The following VIPR2 variants were observed in gnomAD, a reference collection of about 807,000 sequenced individuals.
VIPR2 encodes vasoactive intestinal peptide receptor 2, also known as vasoactive intestinal polypeptide receptor 2.
A neutral mutation model predicts 58.0 loss-of-function variants in VIPR2; 48 were observed. The observed-to-expected ratio is 0.83, with a 90% CI of 0.66 to 1.05. The LOEUF is 1.05. VIPR2 is among the 50% of genes least tolerant of loss of function. The probability of loss-of-function intolerance (pLI) is 0.00; values close to 1 mark genes in which losing one functional copy is unlikely to be tolerated. For missense variants in VIPR2, 534 were observed against 558.0 expected, an observed-to-expected ratio of 0.96 and a Z score of 0.43; for synonymous variants, 243 against 235.2, an observed-to-expected ratio of 1.03 and a Z score of -0.30.
intron 2 of VIPR2, among the ~76,000 whole-genome samples, chr7:159,116,162 A>G (rs1226527470): frequency 6.6e-6 from 1 of 152,122 alleles, no homozygotes; most frequent in African/African-American, 2.4e-5. Flanking sequence ...CTGCAGGGAG[A>G]AGGCTTAGGC....
Position 159,029,199 on chromosome 7 carries a change from C to CATT in VIPR2, c.*1414_*1416dup. The CATT allele has an allele frequency of 6.6e-6, 1 of 152,386 alleles. No homozygotes were observed. The highest frequency in any genetic ancestry group is 1.5e-5 in the Non-Finnish European group (1 of 68,074). 9.4% of individuals were successfully genotyped at this position (152,386 alleles called of 1,614,324 possible). The stretch of plus-strand genomic sequence containing the variant: ...CACCAATGCACAGGAACAAGACATT[C>CATT]ATTTTTAAGGGAAAAGTGGAGTCAA... On this transcript the variant is annotated 3_prime_UTR_variant, in exon 13 of 13. Coordinates refer to ENST00000262178, the MANE Select transcript of VIPR2 (RefSeq NM_003382.5).
rs565798950 is a variant in VIPR2, at chr7:159,064,443, T to G, written c.358-5865A>C. ...ATTGGCGGCTCCTGAGGCAGCAGTG[T>G]CCGGGTTCGTTGTGAGTGAGGATGA... On this transcript the variant is annotated intron_variant, in intron 4 of 12. Transcript: ENST00000262178. Among the ~76,000 whole-genome samples, 20 of 152,042 alleles carry G rather than the reference T, an allele frequency of 1.3e-4. No homozygotes were observed. The East Asian group carries it at 3.9e-3, about 30-fold the overall frequency.
In VIPR2 at chr7:159,034,226, G is replaced by T; in HGVS notation, c.958C>A (p.Gln320Lys). Residue 320 changes from glutamine (Q) to lysine (K), a missense_variant, in exon 10 of 13, where the codon CAG becomes AAG. By Grantham distance (53) the Gln-to-Lys change is moderately conservative. Around this residue, in one of 3 missense-constraint regions of VIPR2, gnomAD observed 306 missense variants for 285.8 expected, o/e 1.07. Coordinates refer to ENST00000262178, the MANE Select transcript of VIPR2 (RefSeq NM_003382.5). ...LTSPDVGGNDQSQYKRLAKST... is the reference protein window; with the variant it reads ...LTSPDVGGNDKSQYKRLAKST... ...ACACACACTCACTTGTACTGAGACTGGTCGTTGCCGCCGACATCTGGGGAT... is the reference window on the plus strand; with the variant it reads ...ACACACACTCACTTGTACTGAGACTTGTCGTTGCCGCCGACATCTGGGGAT... 6.2e-7 allele frequency: 1 copy of T among 1,614,022 alleles called. No individual in the cohort carries two copies. The highest frequency in any genetic ancestry group is 1.3e-5 in the African/African-American group (1 of 75,066).
At chr7:159,100,198 A>T (rs1241577479) in intron 4 of VIPR2, among the ~76,000 whole-genome samples, 1 of 152,158 alleles carries the variant, frequency 6.6e-6, no homozygotes, top group Non-Finnish European at 1.5e-5. Flanking sequence ...ACTGCATGGG[A>T]ATCAGACTAC....
rs189933821 is a variant in VIPR2 at position 159,056,300 on chromosome 7, C to T, written c.455+2181G>A. Among the ~76,000 whole-genome samples, 5 of 151,708 alleles carry T rather than the reference C, an allele frequency of 3.3e-5. No individual in the cohort carries two copies. In the East Asian group the frequency reaches 9.8e-4, roughly 30 times the overall value. On this transcript the variant is annotated intron_variant, in intron 5 of 12. Transcript: ENST00000262178. ...AAGTCCCACATTTGCCCCTTCAGGA[C>T]CCGTGGATATATGAAGCTGGTCCTC...
rs1857854528 is a variant in VIPR2 at position 159,096,490 on chromosome 7, C to T, written c.357+7267G>A. Among the ~76,000 whole-genome samples the T allele has an allele frequency of 6.6e-6, 1 of 152,226 alleles. No homozygotes were observed. The highest frequency in any genetic ancestry group is 2.4e-5 in the African/African-American group (1 of 41,452). On this transcript the variant is annotated intron_variant, in intron 4 of 12. Transcript: ENST00000262178. The surrounding 1 kb of genome is among the most constrained non-coding windows in gnomAD (Gnocchi z 5.5). ...CTCTAATTCCTTCACCTTCATCTCCCTCCCATTAGGAGAATCTTCCCTAGC... is the reference window on the plus strand; with the variant it reads ...CTCTAATTCCTTCACCTTCATCTCCTTCCCATTAGGAGAATCTTCCCTAGC...
At chr7:159,086,692 C>T (rs1359901395) in intron 4 of VIPR2, among the ~76,000 whole-genome samples, 1 of 152,234 alleles carries the variant, frequency 6.6e-6, no homozygotes, top group Non-Finnish European at 1.5e-5. Context: ...TGCCCAGGAG[C>T]TGGTCCTGCT....
chr7:159,124,812 G>A (rs1395703703), intron 2 of VIPR2, among the ~76,000 whole-genome samples: 1 of 152,094 alleles, frequency 6.6e-6, no homozygotes, highest in African/African-American at 2.4e-5. Context: ...TGATTTCTTT[G>A]AGCAGTGTTT....
At chr7:159,125,816 A>G (rs2129497110) in intron 2 of VIPR2, among the ~76,000 whole-genome samples, 1 of 152,220 alleles carries the variant, frequency 6.6e-6, no homozygotes, top group East Asian at 1.9e-4. Flanking sequence ...ATGCAGAGCA[A>G]GGGCCCCACG....
At chr7:159,034,428 C>T (rs763374710) in intron 9 of VIPR2, 124 bp from the exon 10 acceptor site, 1 of 1,291,810 alleles carries the variant, frequency 7.7e-7, no homozygotes, top group Non-Finnish European at 1.1e-6. Flanking sequence ...GGAACTGCCT[C>T]TGGGGGTCCA....
intron 3 of VIPR2, among the ~76,000 whole-genome samples, chr7:159,106,982 C>A (rs1483242961): frequency 8.3e-6 from 1 of 121,182 alleles, no homozygotes; most frequent in Admixed American, 8.0e-5. Context: ...GAGAGGCCAT[C>A]CAGGGGCAGA....
chr7:159,144,546 C>A, intron 1 of VIPR2, 175 bp downstream of exon 1: 1 of 1,489,736 alleles, frequency 6.7e-7, no homozygotes, highest in Non-Finnish European at 9.0e-7. Flanking sequence ...GAGCTCAGCG[C>A]TTCACGCTCT....
chr7:159,043,126 A>C lies in VIPR2; in HGVS notation c.506T>G (p.Phe169Cys), dbSNP rs947974941. ...NYIHLNLFLS[F>C]ILRAISVLVK... ...CAGCACTGAGATGGCTCTCAGGATGAAGGACAGGAACAGGTTCAGGTGGAT... is the reference window on the plus strand; with the variant it reads ...CAGCACTGAGATGGCTCTCAGGATGCAGGACAGGAACAGGTTCAGGTGGAT... Residue 169 changes from phenylalanine to cysteine, a missense_variant, in exon 6 of 13, where the codon TTC becomes TGC. Physicochemically the swap from Phe to Cys is radical, Grantham distance 205. Transcript: ENST00000262178. 1.9e-6 allele frequency: 3 copies of C among 1,613,858 alleles called. No individual in the cohort carries two copies. Among genetic ancestry groups the C allele is most frequent in the African/African-American group, 2.7e-5 (2 of 74,854 alleles).
At chr7:159,087,625 T>C (rs1287383503) in intron 4 of VIPR2, among the ~76,000 whole-genome samples, 44 of 86,884 alleles carry the variant, frequency 5.1e-4, no homozygotes, top group Middle Eastern at 7.9e-3. Flanking sequence ...ATACAGCTTC[T>C]CCAACAAACA....
chr7:159,035,953 C>T lies in VIPR2; in HGVS notation c.808G>A (p.Gly270Ser), dbSNP rs898595582. The T allele has an allele frequency of 1.3e-5, 21 of 1,613,484 alleles. No homozygotes were observed. The highest frequency in any genetic ancestry group is 1.5e-5 in the Non-Finnish European group (18 of 1,179,764). ...TAARLYLEDT[G>S]CWDTNDHSVP... ...GTTGCAGTCTGGTCATGGACTCACC[C>T]GGTGTCTTCTAAGTAGAGCCTGGCC... is the stretch of plus-strand genomic sequence containing the variant. Residue 270 changes from glycine to serine, a missense_variant and splice_region_variant, in exon 8 of 13, where the codon GGT (glycine) becomes AGT (serine). By Grantham distance (56) the Gly-to-Ser change is moderately conservative. Transcript: ENST00000262178.
chr7:159,112,419 G>C (rs1796051209), intron 2 of VIPR2, among the ~76,000 whole-genome samples: 1 of 152,238 alleles, frequency 6.6e-6, no homozygotes, highest in Non-Finnish European at 1.5e-5. Flanking sequence ...GCAACCTCCT[G>C]GCAACAGCTG....
At chr7:159,037,031 G>T in intron 6 of VIPR2, 129 bp from the exon 7 acceptor site, 1 of 1,159,884 alleles carries the variant, frequency 8.6e-7, no homozygotes, top group Non-Finnish European at 1.2e-6. Context: ...GGTGCCATTG[G>T]GAAGGAAAGT....
rs1857887048 is a variant in VIPR2 at position 159,096,932 on chromosome 7, T to C, written c.357+6825A>G. 11 of 1,550,676 alleles carry C rather than the reference T, an allele frequency of 7.1e-6. No individual in the cohort carries two copies. The Middle Eastern group carries it at 6.7e-4, about 94-fold the overall frequency. On this transcript the variant is annotated intron_variant, in intron 4 of 12. Coordinates refer to ENST00000262178, the MANE Select transcript of VIPR2 (RefSeq NM_003382.5). The surrounding 1 kb of genome is among the most constrained non-coding windows in gnomAD (Gnocchi z 5.5). ...CCCATCACTCGATGAGCCAATGCCC[T>C]CGTGGCTGGCATTGAGCTTGGCACC...
rs1171191217 is a variant in VIPR2 at position 159,075,817 on chromosome 7, C to T, written c.358-17239G>A. ...GTGAGTAGCCCAGGGCCGGCACCCA[C>T]GGACCCGCTGCATCAGTGAGTAGCC... On this transcript the variant is annotated intron_variant, in intron 4 of 12. Coordinates refer to ENST00000262178, the MANE Select transcript of VIPR2 (RefSeq NM_003382.5). Among the ~76,000 whole-genome samples, 6 of 147,850 alleles carry T rather than the reference C, an allele frequency of 4.1e-5. 1 individual carries two copies. The highest frequency in any genetic ancestry group is 1.0e-4 in the African/African-American group (4 of 39,322).
Sources: gnomAD v4.1 joint callset for allele counts (sites outside exome capture counted in the v4.1 genomes callset) on GRCh38, gnomAD v4.1.1 for gene constraint, gnomAD v4.1.1 regional missense constraint, Gnocchi (gnomAD v3.1) non-coding constraint, MANE v1.5 for transcripts, NCBI Gene and HGNC (gene_info 2026-07-23, HGNC 2026-07-21) for gene names.